PRKAG2: variants seen among roughly 807,000 people sequenced by gnomAD.
The protein encoded by PRKAG2 is protein kinase AMP-activated non-catalytic subunit gamma 2.
A neutral mutation model predicts 69.6 loss-of-function variants in PRKAG2; 26 were observed. The observed-to-expected ratio is 0.37, with a 90% CI of 0.27 to 0.52. PRKAG2 has a LOEUF of 0.52. Among genes scored for constraint, PRKAG2 ranks in the 20% least tolerant of loss-of-function variants. PRKAG2 has a pLI of 0.90. For synonymous variants in PRKAG2, 293 were observed against 285.0 expected (o/e 1.03, Z -0.28); for missense variants, 557 against 740.0 (o/e 0.75, Z 2.87).
intron 3 of PRKAG2, among the ~76,000 whole-genome samples, chr7:151,769,838 A>G (rs2075931978): frequency 6.6e-6 from 1 of 152,176 alleles, no homozygotes; most frequent in Non-Finnish European, 1.5e-5. Context: ...CACCCCATAG[A>G]GTGGGCACCT....
chr7:151,667,069 G>T (rs898845011), intron 4 of PRKAG2, among the ~76,000 whole-genome samples: 4 of 152,180 alleles, frequency 2.6e-5, no homozygotes, highest in Admixed American at 2.0e-4. Flanking sequence ...GACAGCTGTC[G>T]TCTACTGACT....
rs59983709 is a variant in PRKAG2 at position 151,699,609 on chromosome 7, G to A, written c.467-23972C>T. ...AGATGAGAAGTATTCACTGGGCACCGGCTGTACAGGGAAGAACTGGAAGTG... is the reference window on the plus strand; with the variant it reads ...AGATGAGAAGTATTCACTGGGCACCAGCTGTACAGGGAAGAACTGGAAGTG... On this transcript the variant is annotated intron_variant, in intron 3 of 15. Transcript: ENST00000287878. The surrounding 1 kb of genome is among the most constrained non-coding windows in gnomAD (Gnocchi z 4.5). Among the ~76,000 whole-genome samples, 381 of 152,320 alleles carry A rather than the reference G, an allele frequency of 2.5e-3. 2 individuals are homozygous for A. The highest frequency in any genetic ancestry group is 8.5e-3 in the African/African-American group (352 of 41,560).
At chr7:151,572,564 T>C (rs1473770259) in intron 9 of PRKAG2, 100 bp downstream of exon 9, 8 of 853,706 alleles carry the variant, frequency 9.4e-6, no homozygotes, top group Admixed American at 2.1e-5. Context: ...TAACATTTTA[T>C]GGAGCAGAGA....
In PRKAG2 at chr7:151,853,433, A is replaced by T. The variant is rs116720275; in HGVS notation, c.114+23074T>A. Among the ~76,000 whole-genome samples, 672 of 152,336 alleles carry T rather than the reference A, an allele frequency of 4.4e-3. 8 individuals are homozygous for T. Among genetic ancestry groups the T allele is most frequent in the African/African-American group, 0.016 (652 of 41,574 alleles). On this transcript the variant is annotated intron_variant, in intron 1 of 15. Coordinates refer to ENST00000287878, the MANE Select transcript of PRKAG2 (RefSeq NM_016203.4). Reference sequence around the variant, plus strand: ...CAATTTTATATGGTTGATGGGTCAGATATTACGTTGAACTCTGTGAGATGA... The same window carrying T: ...CAATTTTATATGGTTGATGGGTCAGTTATTACGTTGAACTCTGTGAGATGA...
intron 1 of PRKAG2, among the ~76,000 whole-genome samples, chr7:151,795,091 C>A (rs1390522118): frequency 2.6e-5 from 4 of 152,222 alleles, no homozygotes; most frequent in Non-Finnish European, 1.5e-5. Context: ...TGCTCCCAGG[C>A]CAGGTTGAGT....
intron 3 of PRKAG2, among the ~76,000 whole-genome samples, chr7:151,768,587 T>C (rs2075860692): frequency 6.6e-6 from 1 of 152,194 alleles, no homozygotes; most frequent in South Asian, 2.1e-4. Context: ...TGCCTCAGCC[T>C]CCCTTAGTAG....
At chr7:151,687,727 C>A (rs1834942300) in intron 3 of PRKAG2, among the ~76,000 whole-genome samples, 1 of 152,218 alleles carries the variant, frequency 6.6e-6, no homozygotes, top group African/African-American at 2.4e-5. Context: ...TGACTCAGGT[C>A]TTCAGGCCGC....
At chr7:151,696,398 T>C (rs2727552) in intron 3 of PRKAG2, among the ~76,000 whole-genome samples, 88,682 of 152,120 alleles carry the variant, frequency 0.58, 28,886 homozygotes, top group African/African-American at 0.89. Context: ...CAGGACCTTG[T>C]GGTGGATGTG....
chr7:151,650,092 G>A (rs1452537058), intron 4 of PRKAG2, among the ~76,000 whole-genome samples: 2 of 152,066 alleles, frequency 1.3e-5, no homozygotes, highest in African/African-American at 2.4e-5. Flanking sequence ...ACGGTGGCAC[G>A]CGCCTATAGT....
chr7:151,773,044 AGAGAGAGAGGGAG>A (rs2076133811), intron 3 of PRKAG2, among the ~76,000 whole-genome samples: 1 of 33,700 alleles, frequency 3.0e-5, no homozygotes, highest in African/African-American at 1.2e-4. Flanking sequence ...AGAGAGAGAG[AGAGAGAGAGGGAG>A]GGAGGGAGGG....
chr7:151,806,462 C>T (rs58825093), intron 1 of PRKAG2: 23,599 of 155,088 alleles, frequency 0.15, 2,239 homozygotes, highest in Non-Finnish European at 0.22. Context: ...CCCGTGACTG[C>T]ATAGGCAAAC....
Position 151,691,974 on chromosome 7 carries a change from G to A in PRKAG2, c.467-16337C>T, listed in dbSNP as rs116618379. ...GGTTGAAGCAGGAGGATCATTTGAA[G>A]CCAGGAGTTCAAGACCAGCCTAGGC... On this transcript the variant is annotated intron_variant, in intron 3 of 15. Transcript: ENST00000287878. Among the ~76,000 whole-genome samples the A allele has an allele frequency of 6.0e-4, 92 of 152,242 alleles. 1 individual carries two copies. Among genetic ancestry groups the A allele is most frequent in the African/African-American group, 2.1e-3 (89 of 41,524 alleles).
At chr7:151,815,488 G>A (rs773899672) in intron 1 of PRKAG2, among the ~76,000 whole-genome samples, 3 of 152,114 alleles carry the variant, frequency 2.0e-5, no homozygotes, top group South Asian at 2.1e-4. Context: ...GCAGGTACCA[G>A]ACAGCTAGGG....
At chr7:151,605,936 CAAAAA>C (rs560080587) in intron 5 of PRKAG2, among the ~76,000 whole-genome samples, 2 of 91,050 alleles carry the variant, frequency 2.2e-5, no homozygotes, top group African/African-American at 3.9e-5. Flanking sequence ...GACTCCGTCT[CAAAAA>C]AAAAAAAAAA....
intron 3 of PRKAG2, among the ~76,000 whole-genome samples, chr7:151,722,493 A>AG (rs1243719332): frequency 6.6e-6 from 1 of 152,140 alleles, no homozygotes; most frequent in African/African-American, 2.4e-5. Flanking sequence ...CACTTACCCC[A>AG]GCTCCCTCCC....
intron 1 of PRKAG2, among the ~76,000 whole-genome samples, chr7:151,798,719 A>T (rs529370563): frequency 6.6e-6 from 1 of 152,318 alleles, no homozygotes; most frequent in African/African-American, 2.4e-5. Context: ...AACAGAGAAG[A>T]GCTGACCTTC....
In PRKAG2 at chr7:151,632,490, C is replaced by T. The variant is rs1351663381; in HGVS notation, c.685-352G>A. 2.5e-5 allele frequency: 21 copies of T among 847,848 alleles called. No individual in the cohort carries two copies. In the East Asian group the frequency reaches 4.9e-4, roughly 20 times the overall value. The allele number at this position is 847,848 out of a possible 1,614,324, so 52.5% of individuals were successfully genotyped here. On this transcript the variant is annotated intron_variant, in intron 4 of 15. Transcript: ENST00000287878. The surrounding 1 kb of genome is among the most constrained non-coding windows in gnomAD (Gnocchi z 4.2). ...TGGGCCCGGGGCGCCCCCCTCCGGC[C>T]GTGGCCCGCGTCCTCCCCGCCGTGC...
chr7:151,622,355 G>C (rs1013426268), intron 5 of PRKAG2, among the ~76,000 whole-genome samples: 2 of 152,160 alleles, frequency 1.3e-5, no homozygotes, highest in Non-Finnish European at 2.9e-5. Context: ...TCTGTTGTGC[G>C]TCCTCTGACA....
chr7:151,595,068 G>A (rs1814128376), intron 6 of PRKAG2, among the ~76,000 whole-genome samples: 1 of 152,154 alleles, frequency 6.6e-6, no homozygotes, highest in African/African-American at 2.4e-5. Context: ...AAAGTGCTGG[G>A]ATTACAGACG....
Sources: gnomAD v4.1 joint callset for allele counts (sites outside exome capture counted in the v4.1 genomes callset) on GRCh38, gnomAD v4.1.1 for gene constraint, Gnocchi (gnomAD v3.1) non-coding constraint, MANE v1.5 for transcripts, NCBI Gene and HGNC (gene_info 2026-07-23, HGNC 2026-07-21) for gene names.